The following LINGO2 variants were observed in gnomAD, a reference collection of about 807,000 sequenced individuals.
LINGO2 encodes leucine-rich repeat and immunoglobulin-like domain-containing nogo receptor-interacting protein 2.
A neutral mutation model predicts 30.6 loss-of-function variants in LINGO2; 14 were observed. The ratio of observed to expected loss-of-function variants is 0.46; its 90% CI spans 0.30 to 0.72. LINGO2 has a LOEUF of 0.72. Among genes scored for constraint, LINGO2 ranks in the 30% least tolerant of loss-of-function variants. The probability of loss-of-function intolerance (pLI) is 0.07; values close to 1 mark genes in which losing one functional copy is unlikely to be tolerated. For missense variants in LINGO2, 729 were observed against 751.7 expected (o/e 0.97, Z 0.35); for synonymous variants, 317 against 288.5 (o/e 1.10, Z -1.00).
the LINGO2 span, among the ~76,000 whole-genome samples, chr9:29,094,961 A>G: frequency 7.3e-6 from 1 of 137,474 alleles, no homozygotes. Flanking sequence ...AAATTCATAC[A>G]TTTTCATTAG....
At chr9:28,123,248 T>C (rs1827148583) in intron 4 of LINGO2, among the ~76,000 whole-genome samples, 1 of 152,192 alleles carries the variant, frequency 6.6e-6, no homozygotes, top group Non-Finnish European at 1.5e-5. Context: ...CCTAAAATCA[T>C]AGTCAGGTTT....
intron 1 of LINGO2, among the ~76,000 whole-genome samples, chr9:28,512,287 A>T (rs970707460): frequency 6.6e-6 from 1 of 151,950 alleles, no homozygotes; most frequent in African/African-American, 2.4e-5. Flanking sequence ...GTAACAGGCC[A>T]GGAGCTGACT....
the LINGO2 span, among the ~76,000 whole-genome samples, chr9:29,130,393 A>G: frequency 5.3e-5 from 8 of 152,114 alleles, no homozygotes; most frequent in African/African-American, 1.9e-4. Context: ...AGGTTCTCAG[A>G]ATCAAATACT....
intron 4 of LINGO2, among the ~76,000 whole-genome samples, chr9:28,170,129 G>A (rs1310534446): frequency 6.6e-6 from 1 of 152,070 alleles, no homozygotes; most frequent in Non-Finnish European, 1.5e-5. Context: ...GACCATACCT[G>A]GTATTGAATA....
the LINGO2 span, among the ~76,000 whole-genome samples, chr9:29,082,817 C>A: frequency 2.6e-5 from 4 of 152,020 alleles, no homozygotes; most frequent in African/African-American, 9.7e-5. Context: ...ATGCAGCCAA[C>A]AGATACATGA....
the LINGO2 span, among the ~76,000 whole-genome samples, chr9:28,861,079 A>G: frequency 1.6e-5 from 2 of 124,162 alleles, 1 homozygote; most frequent in South Asian, 4.3e-4. Context: ...ATATATAAAT[A>G]TATAATATAA....
At chr9:28,590,986 C>A (rs540916156) in intron 1 of LINGO2, among the ~76,000 whole-genome samples, 2 of 152,070 alleles carry the variant, frequency 1.3e-5, no homozygotes, top group East Asian at 3.9e-4. Context: ...CCATAAAAAA[C>A]GATGAGTTCA....
At chr9:28,764,997 G>C in the LINGO2 span, among the ~76,000 whole-genome samples, 1 of 151,706 alleles carries the variant, frequency 6.6e-6, no homozygotes, top group African/African-American at 2.4e-5. Context: ...AATGAAAAAA[G>C]GCACAAATAA....
chr9:28,376,265 A>G (rs531962440), intron 2 of LINGO2, among the ~76,000 whole-genome samples: 1 of 120,226 alleles, frequency 8.3e-6, no homozygotes, highest in Non-Finnish European at 1.9e-5. Flanking sequence ...AGAGAAGAAG[A>G]GAAGAGAAGA....
At chr9:28,919,810 G>A in the LINGO2 span, among the ~76,000 whole-genome samples, 1 of 152,102 alleles carries the variant, frequency 6.6e-6, no homozygotes, top group East Asian at 1.9e-4. Context: ...AGCTATGGCA[G>A]GCCCACACAA....
chr9:28,237,559 C>T (rs910730420), intron 4 of LINGO2, among the ~76,000 whole-genome samples: 6 of 152,044 alleles, frequency 3.9e-5, no homozygotes, highest in Admixed American at 1.3e-4. Context: ...CTATAAGAAA[C>T]TCTTCACTCG....
intron 4 of LINGO2, among the ~76,000 whole-genome samples, chr9:28,181,072 A>G (rs1195481137): frequency 6.6e-6 from 1 of 152,164 alleles, no homozygotes; most frequent in Non-Finnish European, 1.5e-5. Context: ...GCGTCACTCT[A>G]GATGCCAGGG....
At chr9:28,726,978 G>A in the LINGO2 span, among the ~76,000 whole-genome samples, 8 of 152,206 alleles carry the variant, frequency 5.3e-5, no homozygotes, top group South Asian at 1.7e-3. Context: ...GGAGATTGAG[G>A]AGGAGAGGAG....
At chr9:28,528,264 A>G (rs572558825) in intron 1 of LINGO2, among the ~76,000 whole-genome samples, 1 of 152,326 alleles carries the variant, frequency 6.6e-6, no homozygotes, top group South Asian at 2.1e-4. Flanking sequence ...TTGCCACATG[A>G]TAAGTTGCAG....
the LINGO2 span, among the ~76,000 whole-genome samples, chr9:28,728,219 G>T: frequency 6.6e-6 from 1 of 152,096 alleles, no homozygotes; most frequent in African/African-American, 2.4e-5. Context: ...GCACAGGAAA[G>T]AAGGAAGAAG....
rs1187092283 is a variant in LINGO2 at position 28,198,954 on chromosome 9, CT to C, written c.-87+96253del. Among the ~76,000 whole-genome samples, 6 of 152,240 alleles carry C rather than the reference CT, an allele frequency of 3.9e-5. 1 individual carries two copies. The highest frequency in any genetic ancestry group is 1.4e-4 in the African/African-American group (6 of 41,536). ...TGAAAGATGTGAAAGTCTGGCAATT[CT>C]TTTCATTGTAATTAAAGTAAAAACA... On this transcript the variant is annotated intron_variant, in intron 4 of 5. Coordinates refer to ENST00000379992, the Ensembl canonical transcript of LINGO2.
chr9:28,002,533 A>C (rs1344884898), intron 5 of LINGO2, among the ~76,000 whole-genome samples: 2 of 152,274 alleles, frequency 1.3e-5, no homozygotes, highest in African/African-American at 4.8e-5. Flanking sequence ...ATATATTTTT[A>C]AAATAGTTCA....
chr9:28,111,983 T>C (rs182641599), intron 4 of LINGO2, among the ~76,000 whole-genome samples: 21,647 of 143,456 alleles, frequency 0.15, 1,780 homozygotes, highest in East Asian at 0.27. Context: ...TATGTATACA[T>C]GTGCCATGCT....
At chr9:28,495,597 C>G (rs138430517) in intron 1 of LINGO2, among the ~76,000 whole-genome samples, 3,296 of 152,146 alleles carry the variant, frequency 0.022, 103 homozygotes, top group East Asian at 0.098. Flanking sequence ...GATACCAGTA[C>G]CATGCTGTTT....
Sources: gnomAD v4.1 joint callset for allele counts (sites outside exome capture counted in the v4.1 genomes callset) on GRCh38, gnomAD v4.1.1 for gene constraint, MANE v1.5 for transcripts, NCBI Gene and HGNC (gene_info 2026-07-23, HGNC 2026-07-21) for gene names.